The following PRKAG2 variants were observed in gnomAD, a reference collection of about 807,000 sequenced individuals.
The protein encoded by PRKAG2 is 5'-AMP-activated protein kinase subunit gamma-2.
PRKAG2 carries 26 observed loss-of-function variants against 69.6 expected under a neutral mutation model. The ratio of observed to expected loss-of-function variants is 0.37; its 90% CI spans 0.27 to 0.52. The LOEUF (loss-of-function observed/expected upper bound fraction) is 0.52. Among genes scored for constraint, PRKAG2 ranks in the 20% least tolerant of loss-of-function variants. PRKAG2 has a pLI of 0.90. For synonymous variants in PRKAG2, 293 were observed against 285.0 expected, an observed-to-expected ratio of 1.03 and a Z score of -0.28; for missense variants, 557 against 740.0, an observed-to-expected ratio of 0.75 and a Z score of 2.87.
chr7:151,857,338 C>T (rs1057096186), intron 1 of PRKAG2, among the ~76,000 whole-genome samples: 36 of 150,850 alleles, frequency 2.4e-4, no homozygotes, highest in Admixed American at 1.5e-3. Context: ...GAGGCCGATG[C>T]CCAGGTCCGC....
At chr7:151,680,150 C>CCA (rs1833625386) in intron 3 of PRKAG2, among the ~76,000 whole-genome samples, 2 of 152,280 alleles carry the variant, frequency 1.3e-5, no homozygotes, top group South Asian at 4.1e-4. Context: ...TATCTAGGCA[C>CCA]CACTGATCAA....
intron 3 of PRKAG2, among the ~76,000 whole-genome samples, chr7:151,723,723 A>G (rs1298941614): frequency 6.6e-6 from 1 of 152,112 alleles, no homozygotes; most frequent in African/African-American, 2.4e-5. Context: ...GGGCTCCCTC[A>G]CCACAGTCTT....
chr7:151,873,976 G>GATGTAT (rs1230681606), intron 1 of PRKAG2, among the ~76,000 whole-genome samples: 5 of 150,236 alleles, frequency 3.3e-5, no homozygotes, highest in African/African-American at 7.5e-5. Context: ...ATATGTATAT[G>GATGTAT]ATGTATATGT....
chr7:151,658,237 C>T (rs2151421984), intron 4 of PRKAG2, among the ~76,000 whole-genome samples: 1 of 150,670 alleles, frequency 6.6e-6, no homozygotes, highest in Middle Eastern at 3.5e-3. Flanking sequence ...CATGTAATCC[C>T]AGCACTTTGG....
chr7:151,630,640 C>T (rs1824186856), intron 5 of PRKAG2, among the ~76,000 whole-genome samples: 1 of 152,176 alleles, frequency 6.6e-6, no homozygotes, highest in South Asian at 2.1e-4. Flanking sequence ...TTCTTGCCTC[C>T]CTGCTAATTT....
chr7:151,834,215 C>T (rs899031810), intron 1 of PRKAG2, among the ~76,000 whole-genome samples: 3 of 152,194 alleles, frequency 2.0e-5, no homozygotes, highest in East Asian at 3.9e-4. Flanking sequence ...ACTCAAGTCA[C>T]AGAATTTGGT....
intron 1 of PRKAG2, among the ~76,000 whole-genome samples, chr7:151,802,669 G>A (rs1379253683): frequency 6.6e-6 from 1 of 152,154 alleles, no homozygotes; most frequent in Non-Finnish European, 1.5e-5. Flanking sequence ...ACATTGAACA[G>A]GGACCTGCTG....
chr7:151,727,332 C>T lies in PRKAG2; in HGVS notation c.467-51695G>A, dbSNP rs188577790. 1.7e-3 allele frequency among the ~76,000 whole-genome samples: 266 copies of T among 152,282 alleles called. 1 individual carries two copies. The highest frequency in any genetic ancestry group is 3.2e-3 in the Non-Finnish European group (215 of 68,026). ...ACCTCCAGGAGGAGGCAGGGCCCTA[C>T]GCCCCTCCAGGCTGTAATGAGTGCA... On this transcript the variant is annotated intron_variant, in intron 3 of 15. Coordinates refer to ENST00000287878, the MANE Select transcript of PRKAG2 (RefSeq NM_016203.4).
intron 5 of PRKAG2, among the ~76,000 whole-genome samples, chr7:151,599,230 G>A (rs891692356): frequency 2.6e-5 from 4 of 152,080 alleles, no homozygotes; most frequent in Non-Finnish European, 4.4e-5. Flanking sequence ...AGGCAACACC[G>A]TCCAACCAAT....
intron 3 of PRKAG2, among the ~76,000 whole-genome samples, chr7:151,731,686 A>C (rs929831609): frequency 2.0e-5 from 3 of 152,146 alleles, no homozygotes; most frequent in African/African-American, 7.2e-5. Context: ...CCTGGAAAAG[A>C]CTGACACAGC....
intron 4 of PRKAG2, among the ~76,000 whole-genome samples, chr7:151,634,963 T>C (rs1231748532): frequency 2.0e-5 from 3 of 151,548 alleles, no homozygotes; most frequent in Non-Finnish European, 4.4e-5. Context: ...TTTTCTTTTT[T>C]TTTTGAGACA....
chr7:151,857,438 T>G (rs887858673), intron 1 of PRKAG2, among the ~76,000 whole-genome samples: 1 of 150,852 alleles, frequency 6.6e-6, no homozygotes, highest in Admixed American at 6.6e-5. Flanking sequence ...AATGCATCTA[T>G]AGTCAGCCTA....
At chr7:151,871,376 C>G (rs2080216613) in intron 1 of PRKAG2, among the ~76,000 whole-genome samples, 1 of 152,218 alleles carries the variant, frequency 6.6e-6, no homozygotes, top group Non-Finnish European at 1.5e-5. Flanking sequence ...GCCAACAGGC[C>G]AGGACTCTGA....
chr7:151,566,043 G>A (rs1014912758), intron 11 of PRKAG2, among the ~76,000 whole-genome samples, 158 bp from the exon 12 acceptor site: 20 of 152,122 alleles, frequency 1.3e-4, no homozygotes, highest in African/African-American at 4.3e-4. Flanking sequence ...AATTACAAAG[G>A]ACTGTATCTT....
At chr7:151,846,542 T>A (rs767300080) in intron 1 of PRKAG2, among the ~76,000 whole-genome samples, 1 of 152,198 alleles carries the variant, frequency 6.6e-6, no homozygotes, top group Admixed American at 6.5e-5. Context: ...TGTGAATGGC[T>A]GCAATTTGGA....
intron 3 of PRKAG2, among the ~76,000 whole-genome samples, chr7:151,712,111 C>G (rs1198491687): frequency 2.0e-5 from 3 of 152,238 alleles, no homozygotes; most frequent in African/African-American, 7.2e-5. Flanking sequence ...CCAGGCCTTC[C>G]TCCGCGGCGC....
At chr7:151,874,889 A>G (rs2151918118) in intron 1 of PRKAG2, among the ~76,000 whole-genome samples, 1 of 152,316 alleles carries the variant, frequency 6.6e-6, no homozygotes, top group South Asian at 2.1e-4. Flanking sequence ...ACCCTGACTC[A>G]AAACAAAAAA....
chr7:151,709,509 G>C (rs1015798378), intron 3 of PRKAG2, among the ~76,000 whole-genome samples: 2 of 152,208 alleles, frequency 1.3e-5, no homozygotes, highest in African/African-American at 4.8e-5. Context: ...TGTGACATGA[G>C]ATTGACACTG....
At chr7:151,784,765 C>G (rs1483663885) in intron 2 of PRKAG2, among the ~76,000 whole-genome samples, 1 of 152,204 alleles carries the variant, frequency 6.6e-6, no homozygotes, top group Admixed American at 6.5e-5. Context: ...ATTCTGAATC[C>G]AGGCCAGTGG....
Sources: gnomAD v4.1 joint callset for allele counts (sites outside exome capture counted in the v4.1 genomes callset) on GRCh38, gnomAD v4.1.1 for gene constraint, MANE v1.5 for transcripts, NCBI Gene and HGNC (gene_info 2026-07-23, HGNC 2026-07-21) for gene names.